SRBD1: variants seen among roughly 807,000 people sequenced by gnomAD.
SRBD1 encodes S1 RNA binding domain 1.
Under a neutral mutation model 115.3 loss-of-function variants are expected in SRBD1, and 88 were observed. The observed-to-expected ratio is 0.76, with a 90% CI of 0.64 to 0.91. SRBD1 has a LOEUF of 0.91. Among genes scored for constraint, SRBD1 ranks in the 40% least tolerant of loss-of-function variants. SRBD1 has a pLI of 0.00. For synonymous variants in SRBD1, 509 were observed against 407.7 expected, an observed-to-expected ratio of 1.25 and a Z score of -2.99; for missense variants, 1,385 against 1,177.4, an observed-to-expected ratio of 1.18 and a Z score of -2.58.
intron 19 of SRBD1, among the ~76,000 whole-genome samples, chr2:45,405,445 G>A (rs753087252): frequency 2.0e-5 from 3 of 152,170 alleles, no homozygotes; most frequent in Non-Finnish European, 4.4e-5. Flanking sequence ...AGTTTCCATT[G>A]CTAAGATATT....
chr2:45,549,422 G>C (rs1008689094), intron 12 of SRBD1, among the ~76,000 whole-genome samples: 10 of 150,678 alleles, frequency 6.6e-5, no homozygotes, highest in Non-Finnish European at 1.2e-4. Flanking sequence ...CTAAACAAAA[G>C]AAATGCATGA....
chr2:45,475,860 G>A (rs530350550), intron 16 of SRBD1, among the ~76,000 whole-genome samples: 5 of 152,096 alleles, frequency 3.3e-5, no homozygotes, highest in South Asian at 2.1e-4. Context: ...CACCATACCC[G>A]GCTAATTTTT....
intron 16 of SRBD1, among the ~76,000 whole-genome samples, chr2:45,465,046 C>CACAT (rs58921931): frequency 0.079 from 11,114 of 141,484 alleles, 708 homozygotes; most frequent in South Asian, 0.14. Context: ...CACACACACA[C>CACAT]ACAGAGTCAT....
In SRBD1 at chr2:45,602,028, T is replaced by C. The variant is rs1317181160; in HGVS notation, c.136A>G (p.Lys46Glu). 1 of 1,614,192 alleles carries C rather than the reference T, an allele frequency of 6.2e-7. No homozygotes were observed. The highest frequency in any genetic ancestry group is 2.2e-5 in the East Asian group (1 of 44,894). ...GGCTGTTTACGGCTTCTGGGAACTT[T>C]CTTTTGGGGCTCCCAGGCACTATCT... ...KEDSAWEPQK[K>E]VPRSRKQPPP... The change falls in exon 3 of 21, where the codon AAA (lysine) becomes GAA (glutamate). Residue 46 changes from lysine (K) to glutamate (E), a missense_variant. Lys to Glu is a moderately conservative substitution (Grantham distance 56). Coordinates refer to ENST00000263736, the MANE Select transcript of SRBD1 (RefSeq NM_018079.5).
chr2:45,579,748 T>C, intron 7 of SRBD1, 127 bp downstream of exon 7: 2 of 1,125,014 alleles, frequency 1.8e-6, no homozygotes, highest in Non-Finnish European at 2.3e-6. Context: ...TTATTTCAAT[T>C]ATTCTACATA....
At chr2:45,562,805 A>G in intron 9 of SRBD1, 49 bp from the exon 10 acceptor site, 1 of 1,284,754 alleles carries the variant, frequency 7.8e-7, no homozygotes. Context: ...AATATATGAA[A>G]CAAATCAGGC....
chr2:45,580,074 G>C (rs1243557709), intron 6 of SRBD1, 61 bp from the exon 7 acceptor site: 1 of 1,369,152 alleles, frequency 7.3e-7, no homozygotes, highest in African/African-American at 1.5e-5. Context: ...TTAAAACTAG[G>C]TTACAAAATT....
At chr2:45,405,263 G>C (rs1667399165) in intron 19 of SRBD1, among the ~76,000 whole-genome samples, 1 of 152,140 alleles carries the variant, frequency 6.6e-6, no homozygotes, top group Non-Finnish European at 1.5e-5. Context: ...GATTCTGTCA[G>C]TTCTAGCCTA....
intron 14 of SRBD1, among the ~76,000 whole-genome samples, chr2:45,500,728 T>G (rs529539222): frequency 6.6e-6 from 1 of 152,318 alleles, no homozygotes; most frequent in African/African-American, 2.4e-5. Flanking sequence ...CAGTATTGAT[T>G]TTCATATGTT....
At chr2:45,433,982 G>A (rs1009292106) in intron 16 of SRBD1, among the ~76,000 whole-genome samples, 4 of 152,154 alleles carry the variant, frequency 2.6e-5, no homozygotes, top group Non-Finnish European at 4.4e-5. Flanking sequence ...TCCAGATCCA[G>A]AAACACAGAT....
intron 6 of SRBD1, among the ~76,000 whole-genome samples, chr2:45,580,860 T>C (rs1427660704): frequency 6.6e-6 from 1 of 150,848 alleles, no homozygotes; most frequent in Admixed American, 6.6e-5. Flanking sequence ...AATTTTTGTA[T>C]TTTTAGTAGA....
intron 16 of SRBD1, among the ~76,000 whole-genome samples, chr2:45,448,764 A>G (rs778372039): frequency 7.9e-5 from 12 of 152,196 alleles, no homozygotes; most frequent in Admixed American, 7.9e-4. Flanking sequence ...GGATTCCTAC[A>G]TTCCAATGTG....
At chr2:45,543,750 C>A (rs957255597) in intron 14 of SRBD1, among the ~76,000 whole-genome samples, 6 of 152,112 alleles carry the variant, frequency 3.9e-5, no homozygotes, top group Non-Finnish European at 8.8e-5. Context: ...ACTTCAAAAG[C>A]ACATATTAGC....
chr2:45,441,553 T>A (rs1668669216), intron 16 of SRBD1, among the ~76,000 whole-genome samples: 1 of 152,206 alleles, frequency 6.6e-6, no homozygotes, highest in Non-Finnish European at 1.5e-5. Flanking sequence ...CATTTAGACT[T>A]TTCTTTGTAT....
intron 11 of SRBD1, among the ~76,000 whole-genome samples, chr2:45,553,076 G>A (rs536752758): frequency 6.6e-6 from 1 of 152,298 alleles, no homozygotes; most frequent in Non-Finnish European, 1.5e-5. Flanking sequence ...AAGCAAGAGA[G>A]AGGAGTTTTG....
At chr2:45,476,140 A>G (rs1378775479) in intron 16 of SRBD1, among the ~76,000 whole-genome samples, 2 of 152,234 alleles carry the variant, frequency 1.3e-5, no homozygotes. Flanking sequence ...AAATATTCCC[A>G]GTTGAATCTC....
At chr2:45,600,839 A>G (rs571501841) in intron 3 of SRBD1, among the ~76,000 whole-genome samples, 1 of 152,342 alleles carries the variant, frequency 6.6e-6, no homozygotes, top group South Asian at 2.1e-4. Flanking sequence ...TCAAAATTCT[A>G]TCTTCTCTTT....
chr2:45,422,509 CA>C (rs1207111985), intron 16 of SRBD1, among the ~76,000 whole-genome samples: 3 of 152,098 alleles, frequency 2.0e-5, no homozygotes, highest in Non-Finnish European at 2.9e-5. Context: ...TAGAATAAAC[CA>C]CATACAGCAT....
At chr2:45,523,799 G>C (rs1671359894) in intron 14 of SRBD1, among the ~76,000 whole-genome samples, 1 of 151,604 alleles carries the variant, frequency 6.6e-6, no homozygotes, top group Non-Finnish European at 1.5e-5. Flanking sequence ...AAAAACAGGA[G>C]GGGAGAACAC....
Sources: gnomAD v4.1 joint callset for allele counts (sites outside exome capture counted in the v4.1 genomes callset) on GRCh38, gnomAD v4.1.1 for gene constraint, MANE v1.5 for transcripts, NCBI Gene and HGNC (gene_info 2026-07-23, HGNC 2026-07-21) for gene names.